MARCHF10: variants seen among roughly 807,000 people sequenced by gnomAD.
The protein encoded by MARCHF10 is membrane associated ring-CH-type finger 10, also known as probable E3 ubiquitin-protein ligase MARCHF10.
In MARCHF10, 64 loss-of-function variants were observed where a neutral mutation model predicts 76.2. The ratio of observed to expected loss-of-function variants is 0.84; its 90% CI spans 0.69 to 1.03. MARCHF10 has a LOEUF of 1.03. Among genes scored for constraint, MARCHF10 ranks in the 50% least tolerant of loss-of-function variants. The pLI is 0.00. For synonymous variants in MARCHF10, 340 were observed against 357.5 expected, an observed-to-expected ratio of 0.95 and a Z score of 0.55; for missense variants, 875 against 958.0, an observed-to-expected ratio of 0.91 and a Z score of 1.14.
intron 3 of MARCHF10, among the ~76,000 whole-genome samples, chr17:62,760,823 C>G (rs929322894): frequency 3.3e-5 from 5 of 152,374 alleles, no homozygotes; most frequent in Admixed American, 2.0e-4. Context: ...TAGGTTCCCC[C>G]TTCCCCGACC....
intron 3 of MARCHF10, among the ~76,000 whole-genome samples, chr17:62,784,251 A>G (rs2092709946): frequency 6.6e-6 from 1 of 152,252 alleles, no homozygotes; most frequent in Non-Finnish European, 1.5e-5. Context: ...TCCATCACAT[A>G]AACAGAACCA....
chr17:62,718,264 C>G (rs950390843), intron 8 of MARCHF10, among the ~76,000 whole-genome samples: 8 of 152,216 alleles, frequency 5.3e-5, no homozygotes, highest in African/African-American at 1.9e-4. Context: ...AGGGTTTAGA[C>G]TGAGATCTTA....
chr17:62,781,098 T>C (rs1290460273), intron 3 of MARCHF10: 2 of 152,202 alleles, frequency 1.3e-5, no homozygotes, highest in South Asian at 2.1e-4. Flanking sequence ...GCAGAGCCAC[T>C]ATTTATTTCC....
At chr17:62,725,465 A>T (rs527246846) in intron 6 of MARCHF10, among the ~76,000 whole-genome samples, 2 of 152,208 alleles carry the variant, frequency 1.3e-5, no homozygotes, top group Admixed American at 6.5e-5. Context: ...GAGTCTCACG[A>T]TGTTGCCCAG....
chr17:62,744,657 C>T (rs975448158), intron 4 of MARCHF10, 129 bp from the exon 5 acceptor site: 44 of 914,138 alleles, frequency 4.8e-5, no homozygotes, highest in South Asian at 3.1e-4. Flanking sequence ...AGAGAAGGGA[C>T]CCAGGAGGTC....
rs1162186692 is a variant in MARCHF10, at chr17:62,701,660, T to A, written c.*43A>T. 1 of 1,613,614 alleles carries A rather than the reference T, an allele frequency of 6.2e-7. No homozygotes were observed. The highest frequency in any genetic ancestry group is 8.5e-7 in the Non-Finnish European group (1 of 1,179,926). On this transcript the variant is annotated 3_prime_UTR_variant, in exon 11 of 11. Transcript: ENST00000311269. The stretch of plus-strand genomic sequence containing the variant: ...CACTTGGGGACGTAGAAAGAAGGGC[T>A]GGCGGGAGAGGTCTCCGCCGAGCTC...
chr17:62,773,742 A>T (rs2092491716), intron 3 of MARCHF10, among the ~76,000 whole-genome samples: 1 of 152,134 alleles, frequency 6.6e-6, no homozygotes, highest in Non-Finnish European at 1.5e-5. Flanking sequence ...CTATGGCGTG[A>T]GGTGGAAGAG....
At chr17:62,727,414 A>G (rs1371617719) in intron 6 of MARCHF10, among the ~76,000 whole-genome samples, 5 of 152,150 alleles carry the variant, frequency 3.3e-5, no homozygotes, top group Admixed American at 1.3e-4. Context: ...CACACCTGTA[A>G]TCCTAGCACT....
chr17:62,724,950 T>C lies in MARCHF10; in HGVS notation c.2092A>G (p.Lys698Glu), dbSNP rs1417282577. The C allele has an allele frequency of 6.2e-7, 1 of 1,611,654 alleles. No individual in the cohort carries two copies. The highest frequency in any genetic ancestry group is 1.7e-5 in the Admixed American group (1 of 59,502). ...QECLKKWLKV[K>E]ITSGADLGAV... is the part of the protein sequence containing the mutation. ...CTTCCCCACCTACCTGATGTTATTT[T>C]CACTTTCAGCCACTTTTTCAGGCAC... The change falls in exon 7 of 11, where the codon AAA becomes GAA. Residue 698 changes from lysine to glutamate, a missense_variant. By Grantham distance (56) the Lys-to-Glu change is moderately conservative. Coordinates refer to ENST00000311269, the MANE Select transcript of MARCHF10 (RefSeq NM_152598.4).
intron 2 of MARCHF10, among the ~76,000 whole-genome samples, chr17:62,800,403 T>C (rs2093052317): frequency 6.6e-6 from 1 of 152,094 alleles, no homozygotes; most frequent in Non-Finnish European, 1.5e-5. Flanking sequence ...GCGACCAGTG[T>C]GGATGTTTAT....
intron 6 of MARCHF10, among the ~76,000 whole-genome samples, chr17:62,726,553 T>C (rs1310594567): frequency 6.6e-6 from 1 of 152,206 alleles, no homozygotes; most frequent in African/African-American, 2.4e-5. Context: ...GAGTGAGTGC[T>C]CCAACTGGTG....
intron 3 of MARCHF10, among the ~76,000 whole-genome samples, chr17:62,770,543 C>T (rs902150884): frequency 3.7e-5 from 5 of 136,526 alleles, no homozygotes; most frequent in Non-Finnish European, 7.8e-5. Context: ...TGTATTTTGA[C>T]TTTTTTTTTT....
chr17:62,727,622 C>A (rs1270145289), intron 6 of MARCHF10, among the ~76,000 whole-genome samples: 2 of 152,146 alleles, frequency 1.3e-5, no homozygotes, highest in Non-Finnish European at 2.9e-5. Flanking sequence ...AGGCTAAGCA[C>A]CCCCATCAGT....
intron 10 of MARCHF10, chr17:62,705,255 AG>A: frequency 7.3e-7 from 1 of 1,373,876 alleles, no homozygotes; most frequent in South Asian, 1.6e-5. Flanking sequence ...AGCAAGGAAA[AG>A]GAACAAATCT....
At chr17:62,746,955 T>G in intron 4 of MARCHF10, 1 of 1,536,148 alleles carries the variant, frequency 6.5e-7, no homozygotes, top group Non-Finnish European at 8.7e-7. Flanking sequence ...TCCGGTTTAT[T>G]CCACCAAGTC....
intron 5 of MARCHF10, among the ~76,000 whole-genome samples, chr17:62,741,844 G>A (rs377527075): frequency 2.2e-4 from 34 of 151,426 alleles, no homozygotes; most frequent in South Asian, 8.4e-4. Context: ...ACAGGTGCCC[G>A]CCACCACGCC....
intron 8 of MARCHF10, among the ~76,000 whole-genome samples, chr17:62,715,379 T>C (rs1176704185): frequency 1.3e-5 from 2 of 152,248 alleles, no homozygotes; most frequent in Non-Finnish European, 2.9e-5. Flanking sequence ...CCATCATTTG[T>C]TGTCTGCCTG....
At chr17:62,709,804 C>T (rs1297916424) in intron 9 of MARCHF10, among the ~76,000 whole-genome samples, 6 of 151,052 alleles carry the variant, frequency 4.0e-5, no homozygotes, top group East Asian at 3.9e-4. Context: ...GGCTGGAGTG[C>T]GGTGGCACCA....
At chr17:62,806,196 T>G (rs557965675) in intron 1 of MARCHF10, among the ~76,000 whole-genome samples, 1 of 152,294 alleles carries the variant, frequency 6.6e-6, no homozygotes, top group Admixed American at 6.5e-5. Context: ...CTCAGTCAGT[T>G]TGAAAAACTG....
Sources: allele counts gnomAD v4.1 joint callset (sites outside exome capture counted in the v4.1 genomes callset), GRCh38; gene constraint gnomAD v4.1.1; transcripts MANE v1.5; gene names NCBI Gene and HGNC (gene_info 2026-07-23, HGNC 2026-07-21).